Variants in SAMD3 observed in about 807,000 individuals in gnomAD.
SAMD3 encodes the protein sterile alpha motif domain containing 3, also known as sterile alpha motif domain-containing protein 3.
Under a neutral mutation model 58.5 loss-of-function variants are expected in SAMD3, and 63 were observed. That is an observed-to-expected ratio of 1.08 (90% CI 0.88 to 1.33). The LOEUF is 1.33. Ranked by LOEUF, SAMD3 falls within the 40% of genes most tolerant of loss-of-function variation. The pLI is 0.00. For synonymous variants in SAMD3, 220 were observed against 210.3 expected (o/e 1.05, Z -0.40); for missense variants, 604 against 608.4 (o/e 0.99, Z 0.08).
At chr6:130,147,336 T>G (rs1788726089) in intron 9 of SAMD3, among the ~76,000 whole-genome samples, 1 of 152,228 alleles carries the variant, frequency 6.6e-6, no homozygotes, top group Non-Finnish European at 1.5e-5. Context: ...GCATAAGGCA[T>G]AGTGGCTTTG....
chr6:130,225,261 G>C (rs1039852667), upstream of SAMD3, among the ~76,000 whole-genome samples: 5 of 152,230 alleles, frequency 3.3e-5, no homozygotes, highest in African/African-American at 9.6e-5. Context: ...CTTTAATCAG[G>C]TGCTGCAGTC....
At chr6:130,314,390 G>A (rs1776288781) in intron 1 of SAMD3, among the ~76,000 whole-genome samples, 1 of 152,158 alleles carries the variant, frequency 6.6e-6, no homozygotes, top group African/African-American at 2.4e-5. Flanking sequence ...ATTTCAAATA[G>A]ACACCTATGT....
At chr6:130,187,245 TG>T (rs1793082683) in intron 5 of SAMD3, among the ~76,000 whole-genome samples, 1 of 152,242 alleles carries the variant, frequency 6.6e-6, no homozygotes, top group South Asian at 2.1e-4. Context: ...ATAAGTTCAA[TG>T]TTCCAGTGTT....
intron 5 of SAMD3, among the ~76,000 whole-genome samples, chr6:130,185,244 T>C (rs985081328): frequency 7.2e-5 from 11 of 152,308 alleles, no homozygotes; most frequent in African/African-American, 2.6e-4. Flanking sequence ...GGGATGAGGG[T>C]GGATAAAATG....
In SAMD3 at chr6:130,215,305, A is replaced by G; in HGVS notation, c.-21-11T>C. 1 of 1,520,804 alleles carries G rather than the reference A, an allele frequency of 6.6e-7. No individual in the cohort carries two copies. The highest frequency in any genetic ancestry group is 8.9e-7 in the Non-Finnish European group (1 of 1,118,916). 94.2% of individuals were successfully genotyped at this position (1,520,804 alleles called of 1,614,324 possible). ...CTCCTGTAAATACACCTGTAGAGCA[A>G]AAGGTCAGAGAATTCTCCAGCTTTT... On this transcript the variant is annotated splice_polypyrimidine_tract_variant and intron_variant, in intron 2 of 11. Transcript: ENST00000439090.
Position 130,175,823 on chromosome 6 carries a change from T to G in SAMD3, c.822+18A>C, listed in dbSNP as rs745493150. On this transcript the variant is annotated intron_variant, in intron 8 of 11. Coordinates refer to ENST00000439090, the MANE Select transcript of SAMD3 (RefSeq NM_001017373.4). Reference sequence around the variant, plus strand: ...TCAATCTATCAAGTCATCAGAACATTTAGGAATTCAATCTTACTTTTATCT... The same window carrying G: ...TCAATCTATCAAGTCATCAGAACATGTAGGAATTCAATCTTACTTTTATCT... The G allele has an allele frequency of 1.3e-6, 2 of 1,532,812 alleles. No homozygotes were observed. The highest frequency in any genetic ancestry group is 1.8e-6 in the Non-Finnish European group (2 of 1,109,622). 95.0% of individuals were successfully genotyped at this position (1,532,812 alleles called of 1,614,324 possible).
chr6:130,265,549 C>T (rs189602956), intron 2 of SAMD3, among the ~76,000 whole-genome samples: 190 of 152,214 alleles, frequency 1.2e-3, no homozygotes, highest in Non-Finnish European at 2.1e-3. Context: ...AAAGTTGCTA[C>T]GGTCCTATTA....
chr6:130,260,228 C>A (rs1018440021), intron 2 of SAMD3, among the ~76,000 whole-genome samples: 4 of 152,206 alleles, frequency 2.6e-5, no homozygotes, highest in African/African-American at 9.6e-5. Flanking sequence ...GACCCAAAAC[C>A]AAGGAACCAG....
At chr6:130,200,004 G>A (rs1309174769) in intron 5 of SAMD3, among the ~76,000 whole-genome samples, 1 of 152,082 alleles carries the variant, frequency 6.6e-6, no homozygotes, top group African/African-American at 2.4e-5. Flanking sequence ...TCTTGGCAAA[G>A]ATAGACAGAT....
intron 1 of SAMD3, among the ~76,000 whole-genome samples, chr6:130,313,660 T>C (rs1776264032): frequency 1.3e-5 from 2 of 152,192 alleles, no homozygotes; most frequent in African/African-American, 4.8e-5. Flanking sequence ...AAGGTAAATC[T>C]GTTCCATAGA....
chr6:130,294,093 TGA>T (rs750168809), intron 2 of SAMD3, among the ~76,000 whole-genome samples: 8 of 152,194 alleles, frequency 5.3e-5, no homozygotes, highest in Non-Finnish European at 1.0e-4. Flanking sequence ...CAGTAGGGAC[TGA>T]GAGATACAGA....
At chr6:130,178,568 G>C (rs939288205) in intron 7 of SAMD3, among the ~76,000 whole-genome samples, 1 of 152,252 alleles carries the variant, frequency 6.6e-6, no homozygotes, top group African/African-American at 2.4e-5. Flanking sequence ...TGCCATTCCT[G>C]GTTATATGGT....
At chr6:130,214,867 T>C (rs6934450) in intron 3 of SAMD3, among the ~76,000 whole-genome samples, 120,425 of 152,158 alleles carry the variant, frequency 0.79, 48,111 homozygotes, top group African/African-American at 0.89. Context: ...AGTATTCAAC[T>C]TTATAAACCC....
chr6:130,250,139 C>G (rs553000148), intron 2 of SAMD3, among the ~76,000 whole-genome samples: 3 of 152,228 alleles, frequency 2.0e-5, no homozygotes, highest in African/African-American at 7.2e-5. Flanking sequence ...ACCAACATTA[C>G]AGTGAGACAG....
At chr6:130,292,390 A>G (rs12198515) in intron 2 of SAMD3, among the ~76,000 whole-genome samples, 42,479 of 149,586 alleles carry the variant, frequency 0.28, 6,441 homozygotes, top group East Asian at 0.5. Flanking sequence ...GGGCTCAAGC[A>G]GTTCTCCTGC....
chr6:130,145,831 TTAAA>T (rs1788570646), intron 10 of SAMD3, among the ~76,000 whole-genome samples, 175 bp downstream of exon 10: 2 of 151,952 alleles, frequency 1.3e-5, no homozygotes, highest in South Asian at 4.1e-4. Context: ...CACTTATTAC[TTAAA>T]TATTGAAAAT....
At chr6:130,331,491 G>T (rs1223865845) in intron 1 of SAMD3, among the ~76,000 whole-genome samples, 4 of 152,150 alleles carry the variant, frequency 2.6e-5, no homozygotes, top group African/African-American at 7.2e-5. Context: ...GGGAGGCCGA[G>T]GAGGGCAGAT....
intron 2 of SAMD3, among the ~76,000 whole-genome samples, chr6:130,273,746 G>A (rs1375462710): frequency 2.6e-5 from 4 of 151,892 alleles, no homozygotes; most frequent in African/African-American, 9.7e-5. Context: ...TAACAACTTA[G>A]AAGTATTAAG....
intron 2 of SAMD3, among the ~76,000 whole-genome samples, chr6:130,275,871 G>A (rs376472070): frequency 5.9e-4 from 90 of 151,992 alleles, no homozygotes; most frequent in African/African-American, 1.8e-3. Flanking sequence ...GACCTTGCTC[G>A]GACATCTTTT....
Sources: gnomAD v4.1 joint callset for allele counts (sites outside exome capture counted in the v4.1 genomes callset) on GRCh38, gnomAD v4.1.1 for gene constraint, MANE v1.5 for transcripts, NCBI Gene and HGNC (gene_info 2026-07-23, HGNC 2026-07-21) for gene names.